RSPH4A: variants seen among roughly 807,000 people sequenced by gnomAD.
RSPH4A encodes the protein radial spoke head component 4A, also known as radial spoke head protein 4 homolog A.
RSPH4A carries 47 observed loss-of-function variants against 71.0 expected under a neutral mutation model. That is an observed-to-expected ratio of 0.66 (90% CI 0.52 to 0.84). RSPH4A has a LOEUF of 0.84. Ranked by LOEUF, RSPH4A falls within the 40% of genes least tolerant of loss-of-function variation. The pLI is 0.00. For synonymous variants in RSPH4A, 282 were observed against 302.3 expected, an observed-to-expected ratio of 0.93 and a Z score of 0.70; for missense variants, 793 against 855.2, an observed-to-expected ratio of 0.93 and a Z score of 0.91.
At chr6:116,631,104 T>C (rs1411219225) in intron 5 of RSPH4A, among the ~76,000 whole-genome samples, 2 of 152,120 alleles carry the variant, frequency 1.3e-5, no homozygotes, top group African/African-American at 2.4e-5. Flanking sequence ...AAGTAGTAAT[T>C]TGGACTTTTA....
intron 1 of RSPH4A, among the ~76,000 whole-genome samples, chr6:116,620,440 G>C (rs1036515160): frequency 6.6e-6 from 1 of 151,994 alleles, no homozygotes; most frequent in Non-Finnish European, 1.5e-5. Flanking sequence ...TAATTTGACA[G>C]CCATAAAAGC....
rs927205331 is a variant in RSPH4A at position 116,632,318 on chromosome 6, A to G, written c.2028A>G (p.Thr676=). 7 of 1,614,008 alleles carry G rather than the reference A, an allele frequency of 4.3e-6. No homozygotes were observed. Among genetic ancestry groups the G allele is most frequent in the Non-Finnish European group, 5.9e-6 (7 of 1,180,008 alleles). Residue 676 remains threonine, a synonymous_variant, in exon 6 of 6, where the codon ACA becomes ACG. Coordinates refer to ENST00000229554, the MANE Select transcript of RSPH4A (RefSeq NM_001010892.3). The stretch of plus-strand genomic sequence containing the variant: ...AATACCCCAGTGGACCAGAAATTAC[A>G]GAAATGGATGATCCTAGTGTGGAGG... ...YQEYPSGPEI[T]EMDDPSVEEE...
chr6:116,620,438 C>G (rs961858256), intron 1 of RSPH4A, among the ~76,000 whole-genome samples: 1 of 152,096 alleles, frequency 6.6e-6, no homozygotes, highest in Non-Finnish European at 1.5e-5. Flanking sequence ...TCTAATTTGA[C>G]AGCCATAAAA....
At position 116,632,237 on chromosome 6, in the gene RSPH4A, T is replaced by A; in HGVS notation, c.1947T>A (p.Gly649=). The change falls in exon 6 of 6, where the codon GGT becomes GGA. Residue 649 remains glycine, a synonymous_variant. Transcript: ENST00000229554. ...KKFENFYIGW[G]HKYSPDNYTP... ...TTGAAAATTTCTACATAGGCTGGGG[T>A]CATAAGTATAGTCCAGACAATTATA... 2 of 1,611,512 alleles carry A rather than the reference T, an allele frequency of 1.2e-6. No homozygotes were observed. Among genetic ancestry groups the A allele is most frequent in the Non-Finnish European group, 1.7e-6 (2 of 1,179,432 alleles).
rs1413181648 is a variant in RSPH4A, at chr6:116,632,294, A to C, written c.2004A>C (p.Glu668Asp). 6.2e-7 allele frequency: 1 copy of C among 1,613,508 alleles called. No individual in the cohort carries two copies. The highest frequency in any genetic ancestry group is 2.2e-5 in the East Asian group (1 of 44,866). The change falls in exon 6 of 6, where the codon GAA becomes GAC. Residue 668 changes from glutamate (E) to aspartate (D), a missense_variant. Coordinates refer to ENST00000229554, the MANE Select transcript of RSPH4A (RefSeq NM_001010892.3). ...CAGTTCCACCACCAGTTTATCAAGAATACCCCAGTGGACCAGAAATTACAG... is the reference window on the plus strand; with the variant it reads ...CAGTTCCACCACCAGTTTATCAAGACTACCCCAGTGGACCAGAAATTACAG... ...TPPVPPPVYQ[E>D]YPSGPEITEM...
Position 116,616,781 on chromosome 6 carries a change from G to C in RSPH4A, c.158G>C (p.Arg53Pro). ...LEAKQGPETG[R>P]QSRSSRPWSP... Reference sequence around the variant, plus strand: ...GCGAAGCAGGGGCCAGAAACTGGACGCCAGTCCCGAAGCAGCCGTCCTTGG... The same window carrying C: ...GCGAAGCAGGGGCCAGAAACTGGACCCCAGTCCCGAAGCAGCCGTCCTTGG... Residue 53 changes from arginine to proline, a missense_variant, in exon 1 of 6, where the codon CGC becomes CCC. By Grantham distance (103) the Arg-to-Pro change is moderately radical. Coordinates refer to ENST00000229554, the MANE Select transcript of RSPH4A (RefSeq NM_001010892.3). 6.2e-7 allele frequency: 1 copy of C among 1,614,120 alleles called. No individual in the cohort carries two copies. The highest frequency in any genetic ancestry group is 1.3e-5 in the African/African-American group (1 of 75,030).
chr6:116,630,844 TGTA>T (rs1157025807), intron 5 of RSPH4A, among the ~76,000 whole-genome samples: 1 of 116,574 alleles, frequency 8.6e-6, no homozygotes, highest in Non-Finnish European at 1.7e-5. Flanking sequence ...AGCTAATTTT[TGTA>T]TTTTTTTTTT....
intron 4 of RSPH4A, 42 bp from the exon 5 acceptor site, chr6:116,630,393 C>A: frequency 1.0e-6 from 1 of 997,864 alleles, no homozygotes. Flanking sequence ...AGATTCTTGT[C>A]TAGTTAGGAA....
At chr6:116,620,020 A>G (rs1217392239) in intron 1 of RSPH4A, among the ~76,000 whole-genome samples, 1 of 152,192 alleles carries the variant, frequency 6.6e-6, no homozygotes, top group Non-Finnish European at 1.5e-5. Flanking sequence ...CACCCAGCCT[A>G]TTAGTTAATA....
At chr6:116,630,632 G>A in intron 5 of RSPH4A, 80 bp downstream of exon 5, 2 of 670,004 alleles carry the variant, frequency 3.0e-6, no homozygotes, top group Non-Finnish European at 5.6e-6. Flanking sequence ...AGAATGTTAA[G>A]CTACTATCGT....
Position 116,617,219 on chromosome 6 carries a change from G to T in RSPH4A, c.596G>T (p.Gly199Val), listed in dbSNP as rs143264253. Residue 199 changes from glycine to valine, a missense_variant, in exon 1 of 6, where the codon GGC becomes GTC. By Grantham distance (109) the Gly-to-Val change is moderately radical. Coordinates refer to ENST00000229554, the MANE Select transcript of RSPH4A (RefSeq NM_001010892.3). ...DYDLQQPAPG[G>V]SEVAPSMLEI... ...GATTTACAGCAGCCGGCGCCTGGGGGCTCTGAAGTGGCCCCCAGCATGCTT... is the reference window on the plus strand; with the variant it reads ...GATTTACAGCAGCCGGCGCCTGGGGTCTCTGAAGTGGCCCCCAGCATGCTT... The T allele has an allele frequency of 4.6e-5, 75 of 1,614,008 alleles. No homozygotes were observed. The highest frequency in any genetic ancestry group is 3.0e-5 in the Non-Finnish European group (35 of 1,180,020).
chr6:116,626,916 A>T (rs1775704218), intron 2 of RSPH4A, among the ~76,000 whole-genome samples: 1 of 152,102 alleles, frequency 6.6e-6, no homozygotes, highest in African/African-American at 2.4e-5. Flanking sequence ...ATTTTTAAAG[A>T]TATATAGTAA....
At chr6:116,622,315 A>C (rs1051445025) in intron 1 of RSPH4A, among the ~76,000 whole-genome samples, 2 of 152,194 alleles carry the variant, frequency 1.3e-5, no homozygotes, top group African/African-American at 4.8e-5. Context: ...TTATGATAAA[A>C]AGTGAAAAAT....
intron 2 of RSPH4A, among the ~76,000 whole-genome samples, chr6:116,623,246 C>T (rs1775642410): frequency 6.6e-6 from 1 of 151,990 alleles, no homozygotes; most frequent in Non-Finnish European, 1.5e-5. Flanking sequence ...CCACCATGCC[C>T]AGCTAATTTT....
rs748664881 is a variant in RSPH4A at position 116,630,448 on chromosome 6, AC to A, written c.1818del (p.Trp607GlyfsTer40). On this transcript the variant is annotated frameshift_variant, in exon 5 of 6. Transcript: ENST00000229554. LOFTEE classifies it high-confidence loss of function. ...TTTGGGTTCCAGAGATTCAGAATAT[AC>A]CCCCCTGGACAACACGGTTATCCTC... is the stretch of plus-strand genomic sequence containing the variant. ...ISEDLEIQNI[P>X]PWTTRLSSNL... The A allele has an allele frequency of 9.5e-6, 15 of 1,584,858 alleles. No individual in the cohort carries two copies. Among genetic ancestry groups the A allele is most frequent in the Non-Finnish European group, 1.2e-5 (14 of 1,153,672 alleles).
intron 1 of RSPH4A, 129 bp downstream of exon 1, chr6:116,617,438 TA>T: frequency 1.5e-6 from 1 of 682,962 alleles, no homozygotes; most frequent in Non-Finnish European, 2.5e-6. Flanking sequence ...AAAAGAGAGT[TA>T]ATGACATAAC....
At chr6:116,631,763 T>C (rs1186492566) in intron 5 of RSPH4A, among the ~76,000 whole-genome samples, 1 of 152,192 alleles carries the variant, frequency 6.6e-6, no homozygotes, top group Non-Finnish European at 1.5e-5. Flanking sequence ...AGGTAAACTC[T>C]TTGTGATTGC....
chr6:116,630,335 G>T, intron 4 of RSPH4A, 100 bp from the exon 5 acceptor site: 2 of 774,444 alleles, frequency 2.6e-6, no homozygotes, highest in Non-Finnish European at 4.8e-6. Flanking sequence ...ATCTGTGTGT[G>T]TGCATGCATG....
intron 5 of RSPH4A, 101 bp downstream of exon 5, chr6:116,630,653 GTT>G (rs141068999): frequency 5.1e-6 from 2 of 389,568 alleles, no homozygotes; most frequent in Non-Finnish European, 9.5e-6. Flanking sequence ...TGTTTCTTTG[GTT>G]TTTTTTTTCG....
Sources: gnomAD v4.1 joint callset for allele counts (sites outside exome capture counted in the v4.1 genomes callset) on GRCh38, gnomAD v4.1.1 for gene constraint, MANE v1.5 for transcripts, NCBI Gene and HGNC (gene_info 2026-07-23, HGNC 2026-07-21) for gene names.